The following PRKD1 variants were observed in gnomAD, a reference collection of about 807,000 sequenced individuals.
PRKD1 encodes protein kinase D1, also known as serine/threonine-protein kinase D1.
In PRKD1, 63 loss-of-function variants were observed where a neutral mutation model predicts 95.9. That is an observed-to-expected ratio of 0.66 (90% confidence interval 0.54 to 0.81). PRKD1 has a LOEUF of 0.81. PRKD1 is among the 30% of genes least tolerant of loss of function. PRKD1 has a pLI of 0.00. For missense variants in PRKD1, 1,048 were observed against 1,165.3 expected (o/e 0.90, Z 1.47); for synonymous variants, 425 against 423.1 (o/e 1.00, Z -0.05).
At chr14:29,601,760 T>C (rs1273404412) in intron 13 of PRKD1, among the ~76,000 whole-genome samples, 1 of 152,186 alleles carries the variant, frequency 6.6e-6, no homozygotes, top group Non-Finnish European at 1.5e-5. Context: ...CTATGGAACA[T>C]GTGATAGTAT....
chr14:29,675,073 G>A (rs1329613568), intron 2 of PRKD1, among the ~76,000 whole-genome samples: 1 of 152,214 alleles, frequency 6.6e-6, no homozygotes, highest in Non-Finnish European at 1.5e-5. Context: ...GGAACCTGCT[G>A]TGTGCAGGAA....
intron 1 of PRKD1, among the ~76,000 whole-genome samples, chr14:29,752,118 A>G (rs1037794767): frequency 1.5e-4 from 23 of 152,338 alleles, no homozygotes; most frequent in African/African-American, 5.5e-4. Flanking sequence ...TAGGTTACCT[A>G]CAGATACAAG....
At chr14:29,823,910 C>A (rs763885542) in intron 1 of PRKD1, among the ~76,000 whole-genome samples, 1 of 152,146 alleles carries the variant, frequency 6.6e-6, no homozygotes, top group East Asian at 1.9e-4. Context: ...TTTCCCATTG[C>A]GTATTTTGGC....
intron 1 of PRKD1, among the ~76,000 whole-genome samples, chr14:29,781,133 C>A (rs1448154117): frequency 1.1e-5 from 1 of 90,826 alleles, no homozygotes; most frequent in African/African-American, 4.6e-5. Context: ...ACACTGGGGC[C>A]TGTCGTGGGG....
chr14:29,602,732 ACATGAGTT>A, intron 13 of PRKD1, among the ~76,000 whole-genome samples: 1 of 152,236 alleles, frequency 6.6e-6, no homozygotes, highest in Middle Eastern at 3.4e-3. Context: ...CCTGGCCAGT[ACATGAGTT>A]CTTAGAGGTA....
chr14:29,909,452 C>G (rs926421544), intron 1 of PRKD1, among the ~76,000 whole-genome samples: 6 of 152,196 alleles, frequency 3.9e-5, no homozygotes, highest in African/African-American at 1.4e-4. Flanking sequence ...GCAGGATCCA[C>G]TAGGTGAAGC....
chr14:29,624,107 G>A (rs1879457888), intron 13 of PRKD1, 45 bp downstream of exon 13: 1 of 1,368,692 alleles, frequency 7.3e-7, no homozygotes, highest in Non-Finnish European at 1.0e-6. Context: ...AGTAAAGGAT[G>A]AGGGATTTTT....
chr14:29,866,962 C>T (rs2139369941), intron 1 of PRKD1, among the ~76,000 whole-genome samples: 2 of 152,252 alleles, frequency 1.3e-5, no homozygotes, highest in South Asian at 4.1e-4. Context: ...TCCTCACTTC[C>T]CCTCCACTTG....
At chr14:29,603,858 T>C (rs754167144) in intron 13 of PRKD1, among the ~76,000 whole-genome samples, 1 of 152,176 alleles carries the variant, frequency 6.6e-6, no homozygotes, top group Non-Finnish European at 1.5e-5. Flanking sequence ...GTCTGTTGCA[T>C]TTAAGCAATT....
At chr14:29,849,754 A>T (rs1892230783) in intron 1 of PRKD1, among the ~76,000 whole-genome samples, 1 of 151,986 alleles carries the variant, frequency 6.6e-6, no homozygotes, top group South Asian at 2.1e-4. Context: ...AATATAAAAA[A>T]AAAACTGCAG....
intron 1 of PRKD1, among the ~76,000 whole-genome samples, chr14:29,750,464 A>G (rs1887423737): frequency 6.6e-6 from 1 of 152,224 alleles, no homozygotes; most frequent in South Asian, 2.1e-4. Context: ...CATACATTTA[A>G]GAAAGATGAA....
intron 13 of PRKD1, among the ~76,000 whole-genome samples, chr14:29,605,543 T>C (rs1415403658): frequency 6.6e-6 from 1 of 152,204 alleles, no homozygotes; most frequent in African/African-American, 2.4e-5. Context: ...TCCCAGTCTG[T>C]CTTGGATGTC....
intron 1 of PRKD1, among the ~76,000 whole-genome samples, chr14:29,733,438 A>T (rs190158708): frequency 1.3e-5 from 2 of 152,150 alleles, no homozygotes; most frequent in South Asian, 4.1e-4. Flanking sequence ...CTAATCTGCC[A>T]TTTAAATATA....
At chr14:29,839,022 A>G (rs1594566174) in intron 1 of PRKD1, among the ~76,000 whole-genome samples, 2 of 152,338 alleles carry the variant, frequency 1.3e-5, no homozygotes, top group East Asian at 3.9e-4. Context: ...CAAATGAATA[A>G]TCCTTTTAAG....
At chr14:29,684,726 T>G (rs1244309462) in intron 2 of PRKD1, among the ~76,000 whole-genome samples, 2 of 152,122 alleles carry the variant, frequency 1.3e-5, no homozygotes, top group African/African-American at 4.8e-5. Context: ...GAATGGACAA[T>G]GACTAGGAAG....
chr14:29,750,136 C>T (rs973757860), intron 1 of PRKD1, among the ~76,000 whole-genome samples: 1 of 152,006 alleles, frequency 6.6e-6, no homozygotes, highest in South Asian at 2.1e-4. Context: ...AAACAAAGGA[C>T]GTTTCATAAG....
chr14:29,765,672 G>T (rs567495255), intron 1 of PRKD1, among the ~76,000 whole-genome samples: 1 of 152,192 alleles, frequency 6.6e-6, no homozygotes, highest in Middle Eastern at 3.4e-3. Flanking sequence ...TTTGGTATAG[G>T]CACATGGTGG....
chr14:29,802,087 C>A (rs981421815), intron 1 of PRKD1, among the ~76,000 whole-genome samples: 1 of 147,874 alleles, frequency 6.8e-6, no homozygotes, highest in Non-Finnish European at 1.5e-5. Context: ...AAGAAAGGAG[C>A]GAAGGAAGAA....
intron 13 of PRKD1, among the ~76,000 whole-genome samples, chr14:29,601,403 A>G (rs934432812): frequency 3.3e-5 from 5 of 152,148 alleles, no homozygotes; most frequent in African/African-American, 1.2e-4. Flanking sequence ...GGAGTCATGG[A>G]ATTGCAAGTT....
Sources: gnomAD v4.1 joint callset for allele counts (sites outside exome capture counted in the v4.1 genomes callset) on GRCh38, gnomAD v4.1.1 for gene constraint, MANE v1.5 for transcripts, NCBI Gene and HGNC (gene_info 2026-07-23, HGNC 2026-07-21) for gene names.